Variants in TAB2 observed in about 807,000 individuals in gnomAD.
The protein encoded by TAB2 is TGF-beta-activated kinase 1 and MAP3K7-binding protein 2.
Under a neutral mutation model 65.0 loss-of-function variants are expected in TAB2, and 3 were observed. The observed-to-expected ratio is 0.05, with a 90% CI of 0.02 to 0.12. TAB2 has a LOEUF of 0.12. TAB2 is among the 10% of genes least tolerant of loss of function. The pLI, the probability that TAB2 is intolerant of heterozygous loss-of-function variation, is 1.00. For synonymous variants in TAB2, 298 were observed against 285.1 expected (o/e 1.05, Z -0.46); for missense variants, 623 against 840.3 (o/e 0.74, Z 3.20).
chr6:149,309,258 C>G (rs578097055), intron 1 of TAB2, among the ~76,000 whole-genome samples: 4 of 152,272 alleles, frequency 2.6e-5, no homozygotes, highest in African/African-American at 7.2e-5. Context: ...TGTGCAAAGC[C>G]TTTATATATG....
At chr6:149,299,773 C>T (rs1226300919) in intron 1 of TAB2, among the ~76,000 whole-genome samples, 1 of 151,914 alleles carries the variant, frequency 6.6e-6, no homozygotes, top group Non-Finnish European at 1.5e-5. Flanking sequence ...CACTGGGAGG[C>T]GGGGGCAGGA....
intron 1 of TAB2, among the ~76,000 whole-genome samples, chr6:149,258,461 CATAA>C (rs890497015): frequency 3.3e-5 from 5 of 150,900 alleles, no homozygotes; most frequent in Admixed American, 2.7e-4. Flanking sequence ...ACACTTCTCA[CATAA>C]ATACACTTTT....
At position 149,335,283 on chromosome 6, in the gene TAB2, A is replaced by G. The variant is rs146273050; in HGVS notation, c.-90+17268A>G. The stretch of plus-strand genomic sequence containing the variant: ...CCCACCTCACCTCCAGGAAATTGGT[A>G]GAAAAGTTTATATATAGATATGTAT... On this transcript the variant is annotated intron_variant, in intron 1 of 6. Transcript: ENST00000637181. Among the ~76,000 whole-genome samples the G allele has an allele frequency of 7.4e-3, 1,119 of 151,698 alleles. 14 individuals carry two copies. Among genetic ancestry groups the G allele is most frequent in the African/African-American group, 0.026 (1,080 of 41,386 alleles).
At chr6:149,306,268 C>T (rs1199518090) in intron 1 of TAB2, among the ~76,000 whole-genome samples, 2 of 151,640 alleles carry the variant, frequency 1.3e-5, no homozygotes, top group Admixed American at 6.6e-5. Context: ...TGGCCGGGTG[C>T]GGTGGCTCAC....
Position 149,410,044 on chromosome 6 carries a change from A to G in TAB2, c.*325A>G, listed in dbSNP as rs1158907613. The G allele has an allele frequency of 8.6e-6, 3 of 346,896 alleles. No individual in the cohort carries two copies. The highest frequency in any genetic ancestry group is 4.5e-5 in the Admixed American group (1 of 22,468). 21.5% of individuals were successfully genotyped at this position (346,896 alleles called of 1,614,324 possible). ...GTGTTCCCAATACCTTTTTCCCCTC[A>G]TGTCACTACTGAATTTTGACAGGAG... On this transcript the variant is annotated 3_prime_UTR_variant, in exon 7 of 7. Transcript: ENST00000637181.
chr6:149,341,483 G>A (rs901237420), intron 1 of TAB2, among the ~76,000 whole-genome samples: 1 of 152,124 alleles, frequency 6.6e-6, no homozygotes, highest in Non-Finnish European at 1.5e-5. Flanking sequence ...ATGCCTATAT[G>A]TGCCACACTG....
chr6:149,273,343 G>T (rs922927479), intron 1 of TAB2, among the ~76,000 whole-genome samples: 2 of 152,228 alleles, frequency 1.3e-5, no homozygotes, highest in African/African-American at 4.8e-5. Flanking sequence ...AAGGGCAGCA[G>T]TGAGAGGCAT....
chr6:149,351,535 T>G (rs1282122289), intron 1 of TAB2, among the ~76,000 whole-genome samples: 1 of 152,240 alleles, frequency 6.6e-6, no homozygotes, highest in Non-Finnish European at 1.5e-5. Flanking sequence ...AGTATTGATA[T>G]TTTATTTACA....
intron 3 of TAB2, among the ~76,000 whole-genome samples, chr6:149,394,666 A>G (rs985046300): frequency 7.2e-5 from 11 of 152,170 alleles, no homozygotes; most frequent in Admixed American, 7.2e-4. Context: ...CCTTCAGTGC[A>G]CCACAGTCTT....
chr6:149,244,752 T>TG (rs955777575), intron 1 of TAB2: 1 of 151,628 alleles, frequency 6.6e-6, no homozygotes, highest in African/African-American at 2.4e-5. Context: ...GGCGTGGGGG[T>TG]GCATGCCTGT....
chr6:149,358,653 T>TGTGTGTGTGTGTGTGTGTGTGA (rs1780748184), intron 1 of TAB2, among the ~76,000 whole-genome samples: 1 of 151,002 alleles, frequency 6.6e-6, no homozygotes. Context: ...TGTGTGTGTG[T>TGTGTGTGTGTGTGTGTGTGTGA]GTGTGTGTGT....
chr6:149,383,802 C>G (rs1273766925), intron 3 of TAB2, among the ~76,000 whole-genome samples: 1 of 152,140 alleles, frequency 6.6e-6, no homozygotes, highest in Non-Finnish European at 1.5e-5. Context: ...AGGCTGGTCT[C>G]GAACTCCTGA....
chr6:149,295,879 C>T (rs1778868782), intron 1 of TAB2, among the ~76,000 whole-genome samples: 1 of 152,164 alleles, frequency 6.6e-6, no homozygotes, highest in Non-Finnish European at 1.5e-5. Context: ...TCAACCAATT[C>T]TCCTGCTTCA....
At chr6:149,355,955 CAAAA>C (rs74510470) in intron 1 of TAB2, among the ~76,000 whole-genome samples, 2 of 147,252 alleles carry the variant, frequency 1.4e-5, no homozygotes, top group African/African-American at 5.0e-5. Context: ...TGTATTGCCA[CAAAA>C]AAAAAACTTA....
intron 1 of TAB2, among the ~76,000 whole-genome samples, chr6:149,365,638 A>C (rs1412534554): frequency 6.6e-6 from 1 of 151,882 alleles, no homozygotes; most frequent in Non-Finnish European, 1.5e-5. Flanking sequence ...TGATATTTTA[A>C]ATCTGTAAAT....
In TAB2 at chr6:149,230,887, A is replaced by AT. The variant is rs139886467; in HGVS notation, c.-121+12115dup. Among the ~76,000 whole-genome samples the AT allele has an allele frequency of 9.0e-3, 1,377 of 152,334 alleles. 6 individuals carry two copies. The highest frequency in any genetic ancestry group is 0.015 in the Non-Finnish European group (991 of 68,034). ...TCTATGGTCAGGCTGCTATTCTGGC[A>AT]TTTTAGGGGAACTGAAAACAGGCCC... On this transcript the variant is annotated intron_variant, in intron 1 of 1. Coordinates refer to the TAB2 transcript ENST00000606202.
intron 1 of TAB2, among the ~76,000 whole-genome samples, chr6:149,306,423 A>T (rs799385): frequency 1.3e-5 from 2 of 151,270 alleles, no homozygotes; most frequent in Admixed American, 1.3e-4. Flanking sequence ...GGTGGCGGGC[A>T]CCTGTAGTCC....
intron 1 of TAB2, among the ~76,000 whole-genome samples, chr6:149,285,405 G>T (rs762282040): frequency 6.6e-6 from 1 of 152,128 alleles, no homozygotes; most frequent in Non-Finnish European, 1.5e-5. Context: ...AGAGGGGAGT[G>T]GTCTCCCATA....
intron 1 of TAB2, among the ~76,000 whole-genome samples, chr6:149,306,565 AAAAAAAAAC>A (rs1250019672): frequency 6.7e-4 from 101 of 151,268 alleles, no homozygotes; most frequent in African/African-American, 1.6e-3. Flanking sequence ...CTCAAAAAAA[AAAAAAAAAC>A]AAAAAACAAA....
Sources: gnomAD v4.1 joint callset for allele counts (sites outside exome capture counted in the v4.1 genomes callset) on GRCh38, gnomAD v4.1.1 for gene constraint, MANE v1.5 for transcripts, NCBI Gene and HGNC (gene_info 2026-07-23, HGNC 2026-07-21) for gene names.